The following GIGYF2 variants were observed in gnomAD, a reference collection of about 807,000 sequenced individuals.
GIGYF2 encodes the protein GRB10 interacting GYF protein 2, also known as GRB10-interacting GYF protein 2.
Under a neutral mutation model 208.1 loss-of-function variants are expected in GIGYF2, and 25 were observed. The observed-to-expected ratio is 0.12, with a 90% CI of 0.09 to 0.17. The LOEUF (loss-of-function observed/expected upper bound fraction) is 0.17. Among genes scored for constraint, GIGYF2 ranks in the 10% least tolerant of loss-of-function variants. The pLI is 1.00. For missense variants in GIGYF2, 1,302 were observed against 1,579.4 expected, an observed-to-expected ratio of 0.82 and a Z score of 2.98; for synonymous variants, 534 against 543.8, an observed-to-expected ratio of 0.98 and a Z score of 0.25.
chr2:232,728,926 CTTTCCTTTTCCT>C (rs570054752), intron 2 of GIGYF2, among the ~76,000 whole-genome samples: 25 of 151,324 alleles, frequency 1.7e-4, no homozygotes, highest in East Asian at 9.7e-4. Flanking sequence ...ACTCAGAGAC[CTTTCCTTTTCCT>C]TTTCCTTTTC....
intron 2 of GIGYF2, among the ~76,000 whole-genome samples, chr2:232,705,008 C>G (rs541918251): frequency 6.6e-6 from 1 of 151,686 alleles, no homozygotes; most frequent in Admixed American, 6.6e-5. Context: ...TACAGGTGCC[C>G]GCCACCACGC....
chr2:232,787,972 T>G (rs572621347), intron 9 of GIGYF2: 16 of 156,552 alleles, frequency 1.0e-4, no homozygotes, highest in African/African-American at 3.6e-4. Flanking sequence ...ACTAGTGCTT[T>G]GTGTTAAAGT....
chr2:232,736,317 A>ATTTTT, intron 3 of GIGYF2: 1 of 395,790 alleles, frequency 2.5e-6, no homozygotes, highest in Non-Finnish European at 3.4e-6. Flanking sequence ...TTCTAAAAAA[A>ATTTTT]TTAGAAATAA....
At chr2:232,770,757 C>G in intron 8 of GIGYF2, 2 of 650,112 alleles carry the variant, frequency 3.1e-6, no homozygotes, top group South Asian at 4.0e-5. Context: ...TGTTTCTTTT[C>G]TATCTTAGAC....
In GIGYF2 at chr2:232,806,690, T is replaced by G; in HGVS notation, c.1806+33T>G. On this transcript the variant is annotated intron_variant, in intron 15 of 28. Coordinates refer to ENST00000373563, the MANE Select transcript of GIGYF2 (RefSeq NM_001103146.3). This position sits in a 1 kb window ranked among gnomAD's most constrained non-coding sequence, Gnocchi z 4.0. ...CCTTTCACCTCACCTGGAATACATA[T>G]TAGTCACGGAAACACTTGATTCTCT... The G allele has an allele frequency of 6.9e-7, 1 of 1,445,108 alleles. No homozygotes were observed. The highest frequency in any genetic ancestry group is 1.1e-5 in the South Asian group (1 of 87,652). 89.5% of individuals were successfully genotyped at this position (1,445,108 alleles called of 1,614,324 possible).
At chr2:232,842,282 C>T (rs1416820247) in intron 23 of GIGYF2, among the ~76,000 whole-genome samples, 2 of 152,190 alleles carry the variant, frequency 1.3e-5, no homozygotes, top group Non-Finnish European at 2.9e-5. Context: ...CCTTGAACTC[C>T]TGAGCTCAAG....
chr2:232,755,379 C>T (rs1698495748), intron 5 of GIGYF2, among the ~76,000 whole-genome samples: 1 of 152,098 alleles, frequency 6.6e-6, no homozygotes, highest in African/African-American at 2.4e-5. Context: ...CCATCTTGGC[C>T]AGGCTAGTCT....
intron 8 of GIGYF2, among the ~76,000 whole-genome samples, chr2:232,761,961 A>G (rs1698756680): frequency 6.6e-6 from 1 of 151,218 alleles, no homozygotes; most frequent in African/African-American, 2.4e-5. Flanking sequence ...TCCATTGTTT[A>G]TGATGAATTA....
In GIGYF2 at chr2:232,806,446, T is replaced by C. The variant is rs1455250919; in HGVS notation, c.1640-45T>C. The C allele has an allele frequency of 7.4e-7, 1 of 1,352,214 alleles. No homozygotes were observed. The allele number at this position is 1,352,214 out of a possible 1,614,324, so 83.8% of individuals were successfully genotyped here. A position where few individuals can be genotyped will look rare whatever the true frequency, so the allele number is the denominator to read the frequency against. On this transcript the variant is annotated intron_variant, in intron 14 of 28. Coordinates refer to ENST00000373563, the MANE Select transcript of GIGYF2 (RefSeq NM_001103146.3). This position sits in a 1 kb window ranked among gnomAD's most constrained non-coding sequence, Gnocchi z 4.0. ...GAAATATTTTTTTTCTCTTTGAGTC[T>C]GAAAGGTTTCTTATTGTCTTTCTGT...
At chr2:232,788,574 G>T (rs2106361686) in intron 9 of GIGYF2, 1 of 470,476 alleles carries the variant, frequency 2.1e-6, no homozygotes, top group African/African-American at 2.0e-5. Context: ...AATTCCAGCT[G>T]GTCAAAAACA....
chr2:232,787,037 G>A (rs1021211111), intron 8 of GIGYF2, 113 bp from the exon 9 acceptor site: 4 of 761,516 alleles, frequency 5.3e-6, no homozygotes, highest in South Asian at 3.0e-5. Context: ...ATTTTTTTCT[G>A]AATATTGAAA....
chr2:232,850,825 T>C (rs1365010885), intron 28 of GIGYF2, among the ~76,000 whole-genome samples: 1 of 152,194 alleles, frequency 6.6e-6, no homozygotes, highest in Admixed American at 6.5e-5. Flanking sequence ...CCAGTATATG[T>C]TCATAATCAC....
At chr2:232,834,908 C>T (rs905846043) in intron 22 of GIGYF2, among the ~76,000 whole-genome samples, 6 of 152,080 alleles carry the variant, frequency 3.9e-5, no homozygotes, top group African/African-American at 1.4e-4. Flanking sequence ...ATATATTGCA[C>T]AGTGGTGAAG....
At chr2:232,802,389 T>A (rs1465152940) in intron 14 of GIGYF2, among the ~76,000 whole-genome samples, 1 of 152,178 alleles carries the variant, frequency 6.6e-6, no homozygotes, top group East Asian at 1.9e-4. Flanking sequence ...CACTGTGGGA[T>A]TTTTATATAT....
intron 23 of GIGYF2, among the ~76,000 whole-genome samples, chr2:232,840,521 G>A (rs962315462): frequency 9.3e-6 from 1 of 107,748 alleles, no homozygotes; most frequent in African/African-American, 3.4e-5. Context: ...TATGCCATTC[G>A]GTGCTCATTC....
chr2:232,715,323 A>C (rs1203480158), intron 2 of GIGYF2, among the ~76,000 whole-genome samples: 2 of 152,200 alleles, frequency 1.3e-5, no homozygotes, highest in Non-Finnish European at 2.9e-5. Context: ...CCTTAATTTC[A>C]TGGCATAGGT....
At chr2:232,820,327 T>G (rs994021439) in intron 21 of GIGYF2, among the ~76,000 whole-genome samples, 1 of 151,106 alleles carries the variant, frequency 6.6e-6, no homozygotes, top group African/African-American at 2.4e-5. Context: ...TTTTTTTTTT[T>G]TTTTTTGAGA....
At chr2:232,716,863 T>C (rs1696706788) in intron 2 of GIGYF2, among the ~76,000 whole-genome samples, 1 of 151,994 alleles carries the variant, frequency 6.6e-6, no homozygotes, top group Admixed American at 6.6e-5. Context: ...TGGAGTGCAG[T>C]GTCATGATCA....
At chr2:232,824,954 G>A (rs1701204253) in intron 21 of GIGYF2, among the ~76,000 whole-genome samples, 1 of 152,144 alleles carries the variant, frequency 6.6e-6, no homozygotes, top group African/African-American at 2.4e-5. Flanking sequence ...TACTCTGCCT[G>A]TGCTGTATAA....
Sources: gnomAD v4.1 joint callset for allele counts (sites outside exome capture counted in the v4.1 genomes callset) on GRCh38, gnomAD v4.1.1 for gene constraint, Gnocchi (gnomAD v3.1) non-coding constraint, MANE v1.5 for transcripts, NCBI Gene and HGNC (gene_info 2026-07-23, HGNC 2026-07-21) for gene names.